The following CXorf38 variants were observed in gnomAD, a reference collection of about 807,000 sequenced individuals.
The protein encoded by CXorf38 is uncharacterized protein CXorf38.
CXorf38 carries 13 observed loss-of-function variants against 27.5 expected under a neutral mutation model. The ratio of observed to expected loss-of-function variants is 0.47; its 90% confidence interval spans 0.31 to 0.75. The LOEUF (loss-of-function observed/expected upper bound fraction) is 0.75, where lower values mean the gene tolerates loss of function less well. Ranked by LOEUF, CXorf38 falls within the 30% of genes least tolerant of loss-of-function variation. CXorf38 has a pLI of 0.05. For synonymous variants in CXorf38, 100 were observed against 99.8 expected (o/e 1.00, Z -0.01); for missense variants, 240 against 253.2 (o/e 0.95, Z 0.35).
chrX:40,627,405 G>A lies in CXorf38; in HGVS notation c.*2759C>T, dbSNP rs1238117849. The A allele has an allele frequency of 1.8e-5, 2 of 112,199 alleles. No individual in the cohort carries two copies. Among genetic ancestry groups the A allele is most frequent in the Non-Finnish European group, 3.8e-5 (2 of 53,263 alleles). 9.2% of individuals were successfully genotyped at this position (112,199 alleles called of 1,213,427 possible). A position where few individuals can be genotyped will look rare whatever the true frequency, so the allele number is the denominator to read the frequency against. On this transcript the variant is annotated 3_prime_UTR_variant, in exon 7 of 7. Transcript: ENST00000327877. ...AGCGTTTCGCCACATTGGCCAGGTT[G>A]GTCTCAAACTCCTGACCTCAGGTGA... is the stretch of plus-strand genomic sequence containing the variant.
At chrX:40,642,383 G>A (rs1928363515) in intron 2 of CXorf38, among the ~76,000 whole-genome samples, 1 of 111,694 alleles carries the variant, frequency 9.0e-6, no homozygotes, top group Non-Finnish European at 1.9e-5. Flanking sequence ...ATCAATTTGG[G>A]AGCCAGTTAG....
chrX:40,647,491 G>C lies in CXorf38; in HGVS notation c.30C>G (p.Leu10=). The change falls in exon 1 of 7, where the codon CTC becomes CTG. Residue 10 remains leucine, a synonymous_variant. Coordinates refer to ENST00000327877, the MANE Select transcript of CXorf38 (RefSeq NM_144970.3). ...CCCAGTTCTTGTACTCGGCGCAGTT[G>C]AGGCGCGCCGCTAGCTCCGACAGCA... MVLSELAAR[L]NCAEYKNWVK... The C allele has an allele frequency of 8.4e-7, 1 of 1,187,858 alleles. No homozygotes were observed. The highest frequency in any genetic ancestry group is 1.8e-5 in the African/African-American group (1 of 54,975).
chrX:40,641,135 T>C (rs747631175), intron 2 of CXorf38, among the ~76,000 whole-genome samples: 1 of 110,460 alleles, frequency 9.1e-6, no homozygotes, highest in East Asian at 2.8e-4. Context: ...GAAGATCACT[T>C]GAGCCCAGGA....
rs756050176 is a variant in CXorf38 at position 40,642,864 on chromosome X, C to T, written c.352-3736G>A. Reference sequence around the variant, plus strand: ...ACAGTTCACTGCAGCCTTGACCTGCCGGGCTCAAGCAATCCACCCATCTCA... The same window carrying T: ...ACAGTTCACTGCAGCCTTGACCTGCTGGGCTCAAGCAATCCACCCATCTCA... On this transcript the variant is annotated intron_variant, in intron 2 of 6. Transcript: ENST00000327877. Among the ~76,000 whole-genome samples the T allele has an allele frequency of 1.1e-4, 12 of 109,874 alleles. No individual in the cohort carries two copies. In the South Asian group the frequency reaches 1.6e-3, roughly 14 times the overall value.
At chrX:40,632,362 C>G (rs1413962789) in intron 5 of CXorf38, among the ~76,000 whole-genome samples, 1 of 112,194 alleles carries the variant, frequency 8.9e-6, no homozygotes, top group Non-Finnish European at 1.9e-5. Flanking sequence ...GTGCTCTGTT[C>G]CACTTAGTTT....
intron 5 of CXorf38, among the ~76,000 whole-genome samples, chrX:40,631,101 C>T (rs1278310673): frequency 9.0e-6 from 1 of 110,601 alleles, no homozygotes; most frequent in Non-Finnish European, 1.9e-5. Flanking sequence ...TTTATACATA[C>T]ACACCCGTGT....
At chrX:40,639,225 A>G (rs1928211958) in intron 2 of CXorf38, 97 bp from the exon 3 acceptor site, 3 of 946,421 alleles carry the variant, frequency 3.2e-6, no homozygotes, top group Non-Finnish European at 4.4e-6. Flanking sequence ...TGATGACTGA[A>G]GTTCTCTTAT....
Position 40,636,311 on chromosome X carries a change from G to T in CXorf38, c.801+222C>A, listed in dbSNP as rs1928061791. ...AGCCTTTATCACATTTTTCCACTTT[G>T]TGGCACAGATTAGGCATTCAAATGT... is the stretch of plus-strand genomic sequence containing the variant. On this transcript the variant is annotated intron_variant, in intron 5 of 6. Coordinates refer to ENST00000327877, the MANE Select transcript of CXorf38 (RefSeq NM_144970.3). 2.7e-5 allele frequency among the ~76,000 whole-genome samples: 3 copies of T among 112,383 alleles called. No individual in the cohort carries two copies. The South Asian group carries it at 1.1e-3, about 41-fold the overall frequency.
intron 2 of CXorf38, among the ~76,000 whole-genome samples, chrX:40,644,254 AAG>A (rs57030831): frequency 0.033 from 3,691 of 112,181 alleles, 126 homozygotes; most frequent in Admixed American, 0.12. Context: ...AATGAGCTGC[AAG>A]AGAGAGAGTG....
chrX:40,628,102 A>C lies in CXorf38; in HGVS notation c.*2062T>G, dbSNP rs1294382824. 4 of 111,869 alleles carry C rather than the reference A, an allele frequency of 3.6e-5. No homozygotes were observed. Among genetic ancestry groups the C allele is most frequent in the African/African-American group, 1.3e-4 (4 of 30,768 alleles). The allele number at this position is 111,869 out of a possible 1,213,427, so 9.2% of individuals were successfully genotyped here. A position where few individuals can be genotyped will look rare whatever the true frequency, so the allele number is the denominator to read the frequency against. ...TTGGAAGAGTTGTGAGATGAATGAAATTTCTTTCTTTACTGTTGAAGTTTT... is the reference window on the plus strand; with the variant it reads ...TTGGAAGAGTTGTGAGATGAATGAACTTTCTTTCTTTACTGTTGAAGTTTT... On this transcript the variant is annotated 3_prime_UTR_variant, in exon 7 of 7. Coordinates refer to ENST00000327877, the MANE Select transcript of CXorf38 (RefSeq NM_144970.3).
At position 40,628,763 on chromosome X, in the gene CXorf38, C is replaced by A. The variant is rs1258373396; in HGVS notation, c.*1401G>T. 2.7e-5 allele frequency: 3 copies of A among 111,898 alleles called. No individual in the cohort carries two copies. In the East Asian group the frequency reaches 8.4e-4, roughly 31 times the overall value. 9.2% of individuals were successfully genotyped at this position (111,898 alleles called of 1,213,427 possible). A position where few individuals can be genotyped will look rare whatever the true frequency, so the allele number is the denominator to read the frequency against. ...AATACTCCCAAGCTATGAGGGGACCCTTCAGTCAAATATTCACTGAGCATG... is the reference window on the plus strand; with the variant it reads ...AATACTCCCAAGCTATGAGGGGACCATTCAGTCAAATATTCACTGAGCATG... On this transcript the variant is annotated 3_prime_UTR_variant, in exon 7 of 7. Coordinates refer to ENST00000327877, the MANE Select transcript of CXorf38 (RefSeq NM_144970.3).
chrX:40,646,673 A>G (rs1389930991), intron 2 of CXorf38, among the ~76,000 whole-genome samples: 2 of 111,240 alleles, frequency 1.8e-5, no homozygotes, highest in African/African-American at 6.5e-5. Context: ...CTTACCCTCA[A>G]ACAGGCCACA....
In CXorf38 at chrX:40,647,044, G is replaced by A; in HGVS notation, c.314C>T (p.Pro105Leu). The change falls in exon 2 of 7, where the codon CCG becomes CTG. Residue 105 changes from proline (P) to leucine (L), a missense_variant. Transcript: ENST00000327877. ...CCAGGCGTCCACGGGCCAGCGGCCC[G>A]GCCGGCAGTTTCCCCAGTGCACATC... ...NGDVHWGNCR[P>L]GRWPVDAWEV... 8.3e-7 allele frequency: 1 copy of A among 1,211,760 alleles called. No individual in the cohort carries two copies. The highest frequency in any genetic ancestry group is 1.1e-6 in the Non-Finnish European group (1 of 895,330).
chrX:40,647,379 G>A lies in CXorf38; in HGVS notation c.142C>T (p.Leu48Phe). Residue 48 changes from leucine to phenylalanine, a missense_variant, in exon 1 of 7, where the codon CTC becomes TTC. Coordinates refer to ENST00000327877, the MANE Select transcript of CXorf38 (RefSeq NM_144970.3). The stretch of plus-strand genomic sequence containing the variant: ...GGCCCCAGGCCGGGGGCTGCGGCGA[G>A]TAGGCCGCGGTGGAAGGAGAGCACC... ...REVLSFHRGL[L>F]AAAPGLGPRA... 8.5e-7 allele frequency: 1 copy of A among 1,174,811 alleles called. No individual in the cohort carries two copies. The highest frequency in any genetic ancestry group is 3.3e-5 in the East Asian group (1 of 30,464).
Position 40,628,875 on chromosome X carries a change from T to A in CXorf38, c.*1289A>T, listed in dbSNP as rs1172153928. On this transcript the variant is annotated 3_prime_UTR_variant, in exon 7 of 7. Transcript: ENST00000327877. ...GAAGCTCCCCTGCTCCTGCCTGACA[T>A]CCCCGCTTGTAATGCTGGCCTGGGT... 9.0e-5 allele frequency: 10 copies of A among 110,973 alleles called. No homozygotes were observed. The highest frequency in any genetic ancestry group is 3.3e-4 in the African/African-American group (10 of 30,547). 9.1% of individuals were successfully genotyped at this position (110,973 alleles called of 1,213,427 possible). A position where few individuals can be genotyped will look rare whatever the true frequency, so the allele number is the denominator to read the frequency against.
intron 4 of CXorf38, 131 bp from the exon 5 acceptor site, chrX:40,636,843 C>G: frequency 3.9e-6 from 3 of 777,768 alleles, no homozygotes; most frequent in Non-Finnish European, 5.4e-6. Context: ...CACAGAAAAG[C>G]TTCTCAGCCC....
chrX:40,647,420 C>T lies in CXorf38; in HGVS notation c.101G>A (p.Gly34Asp). Residue 34 changes from glycine to aspartate, a missense_variant, in exon 1 of 7, where the codon GGT becomes GAT. Physicochemically the swap from Gly to Asp is moderately conservative, Grantham distance 94. Coordinates refer to ENST00000327877, the MANE Select transcript of CXorf38 (RefSeq NM_144970.3). ...GGAGAGCACCTCGCGGCCGACGAAACCCTGCAGGCAGCTGCGCAGCAGTAA... is the reference window on the plus strand; with the variant it reads ...GGAGAGCACCTCGCGGCCGACGAAATCCTGCAGGCAGCTGCGCAGCAGTAA... ...CLLLLRSCLQ[G>D]FVGREVLSFH... 1 of 1,191,376 alleles carries T rather than the reference C, an allele frequency of 8.4e-7. No individual in the cohort carries two copies.
At chrX:40,641,100 C>T (rs1291787744) in intron 2 of CXorf38, among the ~76,000 whole-genome samples, 1 of 110,794 alleles carries the variant, frequency 9.0e-6, no homozygotes, top group African/African-American at 3.3e-5. Flanking sequence ...GCCTGTAGTA[C>T]CAGCTACTTC....
At chrX:40,639,978 C>A in intron 2 of CXorf38, 1 of 140,114 alleles carries the variant, frequency 7.1e-6, no homozygotes, top group Non-Finnish European at 1.4e-5. Context: ...TGGGATGCAA[C>A]AACTTTACTA....
Sources: allele counts gnomAD v4.1 joint callset (sites outside exome capture counted in the v4.1 genomes callset), GRCh38; gene constraint gnomAD v4.1.1; transcripts MANE v1.5; gene names NCBI Gene and HGNC (gene_info 2026-07-23, HGNC 2026-07-21).